Variants in PTPN12 observed in about 807,000 individuals in gnomAD.
The protein encoded by PTPN12 is protein tyrosine phosphatase non-receptor type 12, also known as tyrosine-protein phosphatase non-receptor type 12.
A neutral mutation model predicts 97.6 loss-of-function variants in PTPN12; 29 were observed. The observed-to-expected ratio is 0.30, with a 90% CI of 0.22 to 0.41. The LOEUF (loss-of-function observed/expected upper bound fraction) is 0.41, where lower values mean the gene tolerates loss of function less well. Ranked by LOEUF, PTPN12 falls within the 10% of genes least tolerant of loss-of-function variation. The pLI is 1.00. For missense variants in PTPN12, 819 were observed against 926.0 expected, an observed-to-expected ratio of 0.88 and a Z score of 1.50; for synonymous variants, 327 against 300.4, an observed-to-expected ratio of 1.09 and a Z score of -0.91.
intron 1 of PTPN12, among the ~76,000 whole-genome samples, chr7:77,564,775 T>TTTTTTTTTTA (rs1808185621): frequency 7.6e-6 from 1 of 131,252 alleles, no homozygotes; most frequent in African/African-American, 3.0e-5. Flanking sequence ...TTTTTTTTTT[T>TTTTTTTTTTA]TGAGACGGAA....
At chr7:77,617,806 T>C (rs372435556) in intron 11 of PTPN12, among the ~76,000 whole-genome samples, 5 of 149,678 alleles carry the variant, frequency 3.3e-5, no homozygotes, top group Admixed American at 1.3e-4. Flanking sequence ...AAGGTTCTTA[T>C]ACCTGTATTG....
chr7:77,633,743 C>T (rs1170834077), intron 14 of PTPN12, among the ~76,000 whole-genome samples: 2 of 152,048 alleles, frequency 1.3e-5, no homozygotes, highest in East Asian at 1.9e-4. Flanking sequence ...CTGGAGTAGA[C>T]TGAGCACATT....
intron 1 of PTPN12, among the ~76,000 whole-genome samples, chr7:77,564,746 G>GTGTTTTTTTTTTTTTTT (rs1808163614): frequency 2.2e-5 from 1 of 45,402 alleles, no homozygotes; most frequent in East Asian, 8.1e-4. Flanking sequence ...TTGTTGTCGT[G>GTGTTTTTTTTTTTTTTT]TTTTTTTTTT....
rs541871725 is a variant in PTPN12, at chr7:77,567,528, A to AT, written c.100-3542dup. Among the ~76,000 whole-genome samples the AT allele has an allele frequency of 1.4e-4, 22 of 152,166 alleles. No individual in the cohort carries two copies. In the South Asian group the frequency reaches 3.9e-3, roughly 27 times the overall value. ...GACACAGAAAAATGATTATCATGGG[A>AT]TTTTTTTTAAAGTAGAATCTTAGCA... On this transcript the variant is annotated intron_variant, in intron 1 of 17. Transcript: ENST00000248594.
rs1383453267 is a variant in PTPN12, at chr7:77,573,097, C to CAAA, written c.208+1916_208+1918dup. Among the ~76,000 whole-genome samples, 24 of 48,514 alleles carry CAAA rather than the reference C, an allele frequency of 4.9e-4. 3 individuals carry two copies. The South Asian group carries it at 0.01, about 21-fold the overall frequency. The allele number at this position is 48,514 out of a possible 152,430, so 31.8% of individuals were successfully genotyped here. On this transcript the variant is annotated intron_variant, in intron 2 of 17. Coordinates refer to ENST00000248594, the MANE Select transcript of PTPN12 (RefSeq NM_002835.4). ...GACTCTATCTCAAAAAAAAAAAAAA[C>CAAA]AAAAAAACAAAAAAAACCAGTGTAC...
chr7:77,547,051 T>G (rs1291165966), intron 1 of PTPN12, among the ~76,000 whole-genome samples: 1 of 152,228 alleles, frequency 6.6e-6, no homozygotes, highest in East Asian at 1.9e-4. Flanking sequence ...AACTTTTATA[T>G]CTAATCGGCA....
chr7:77,550,720 A>G (rs1397376110), intron 1 of PTPN12, among the ~76,000 whole-genome samples: 1 of 152,244 alleles, frequency 6.6e-6, no homozygotes, highest in Non-Finnish European at 1.5e-5. Context: ...TGTGGGTAGA[A>G]AAGGACTCTG....
chr7:77,597,570 A>G (rs1282603868), intron 6 of PTPN12, among the ~76,000 whole-genome samples: 2 of 152,182 alleles, frequency 1.3e-5, no homozygotes, highest in South Asian at 2.1e-4. Context: ...GACACATAGT[A>G]TCTATACTTA....
intron 17 of PTPN12, 70 bp downstream of exon 17, chr7:77,638,801 A>T: frequency 2.0e-6 from 3 of 1,507,940 alleles, no homozygotes; most frequent in Non-Finnish European, 1.8e-6. Flanking sequence ...CTCATTTGCC[A>T]TTGTGAAATG....
At chr7:77,618,869 C>T (rs1788840963) in intron 12 of PTPN12, among the ~76,000 whole-genome samples, 2 of 151,782 alleles carry the variant, frequency 1.3e-5, no homozygotes, top group Non-Finnish European at 2.9e-5. Flanking sequence ...CCATTTTTTT[C>T]CTGATGACTA....
chr7:77,561,369 A>T (rs1807987251), intron 1 of PTPN12, among the ~76,000 whole-genome samples: 1 of 152,152 alleles, frequency 6.6e-6, no homozygotes, highest in South Asian at 2.1e-4. Context: ...CCTGTTGGAG[A>T]TTATTGGTGA....
chr7:77,598,248 A>G (rs1562738300), intron 7 of PTPN12, among the ~76,000 whole-genome samples: 1 of 150,682 alleles, frequency 6.6e-6, no homozygotes, highest in Non-Finnish European at 1.5e-5. Context: ...AAGAGAAGAC[A>G]TAGAGAGGGA....
intron 2 of PTPN12, among the ~76,000 whole-genome samples, chr7:77,577,053 T>G (rs1340272184): frequency 6.6e-6 from 1 of 152,230 alleles, no homozygotes; most frequent in Non-Finnish European, 1.5e-5. Flanking sequence ...ACTCATTTAT[T>G]TGAAATCATG....
In PTPN12 at chr7:77,542,318, G is replaced by A. The variant is rs114768360; in HGVS notation, c.99+4673G>A. Among the ~76,000 whole-genome samples, 1,377 of 152,324 alleles carry A rather than the reference G, an allele frequency of 9.0e-3. 24 individuals are homozygous for A. Among genetic ancestry groups the A allele is most frequent in the African/African-American group, 0.031 (1,292 of 41,562 alleles). On this transcript the variant is annotated intron_variant, in intron 1 of 17. Coordinates refer to ENST00000248594, the MANE Select transcript of PTPN12 (RefSeq NM_002835.4). ...TCCCCCATCTCACCTTCTCCAGCCT[G>A]CTCCTTGAGTTGTACTCTGAACCTT...
intron 5 of PTPN12, among the ~76,000 whole-genome samples, chr7:77,591,145 A>G (rs767448592): frequency 2.6e-5 from 4 of 152,226 alleles, no homozygotes; most frequent in Non-Finnish European, 5.9e-5. Context: ...CTAACCCAAC[A>G]TACCAGACAG....
chr7:77,573,101 AAAAC>A (rs1224568678), intron 2 of PTPN12, among the ~76,000 whole-genome samples: 1,679 of 123,278 alleles, frequency 0.014, 569 homozygotes, highest in African/African-American at 0.048. Context: ...AAAAAACAAA[AAAAC>A]AAAAAAAACC....
intron 1 of PTPN12, among the ~76,000 whole-genome samples, chr7:77,549,246 G>C (rs1156295536): frequency 6.6e-6 from 1 of 152,094 alleles, no homozygotes; most frequent in Admixed American, 6.5e-5. Context: ...GTCTAGTAGA[G>C]AATCCTTGAA....
chr7:77,538,176 T>C lies in PTPN12; in HGVS notation c.99+531T>C, dbSNP rs547752452. ...AGCGGGCAGGGTAGGACTTAGGCCG[T>C]TTCTGGGGTCGCAGTCATGATCTCC... On this transcript the variant is annotated intron_variant, in intron 1 of 17. Coordinates refer to ENST00000248594, the MANE Select transcript of PTPN12 (RefSeq NM_002835.4). The C allele has an allele frequency of 8.1e-6, 7 of 862,280 alleles. No individual in the cohort carries two copies. The East Asian group carries it at 8.4e-4, about 104-fold the overall frequency. 53.4% of individuals were successfully genotyped at this position (862,280 alleles called of 1,614,324 possible).
intron 4 of PTPN12, chr7:77,585,097 G>A (rs1787647046): frequency 6.6e-6 from 1 of 152,670 alleles, no homozygotes; most frequent in Non-Finnish European, 1.5e-5. Context: ...ACTATGCTGT[G>A]TGTTGGAAAG....
Sources: gnomAD v4.1 joint callset for allele counts (sites outside exome capture counted in the v4.1 genomes callset) on GRCh38, gnomAD v4.1.1 for gene constraint, MANE v1.5 for transcripts, NCBI Gene and HGNC (gene_info 2026-07-23, HGNC 2026-07-21) for gene names.